RIMS1: variants seen among roughly 807,000 people sequenced by gnomAD.
The protein encoded by RIMS1 is regulating synaptic membrane exocytosis 1.
RIMS1 carries 83 observed loss-of-function variants against 214.1 expected under a neutral mutation model. The observed-to-expected ratio is 0.39, with a 90% confidence interval of 0.32 to 0.47. The LOEUF is 0.47. RIMS1 is among the 20% of genes least tolerant of loss of function. RIMS1 has a pLI of 0.99. For synonymous variants in RIMS1, 793 were observed against 786.8 expected (o/e 1.01, Z -0.13); for missense variants, 2,050 against 2,161.8 (o/e 0.95, Z 1.03).
intron 2 of RIMS1, among the ~76,000 whole-genome samples, chr6:72,008,761 C>A (rs1052707416): frequency 6.6e-6 from 1 of 152,182 alleles, no homozygotes; most frequent in Non-Finnish European, 1.5e-5. Flanking sequence ...ATCAATTCAA[C>A]AAGAAGAGCT....
chr6:72,137,189 A>G (rs1027037184), intron 4 of RIMS1, among the ~76,000 whole-genome samples: 61 of 152,180 alleles, frequency 4.0e-4, no homozygotes, highest in African/African-American at 1.2e-3. Flanking sequence ...TTGTTGTTTC[A>G]AGGGTTTTTA....
intron 6 of RIMS1, among the ~76,000 whole-genome samples, chr6:72,197,755 G>A (rs2051234283): frequency 6.6e-6 from 1 of 151,988 alleles, no homozygotes; most frequent in African/African-American, 2.4e-5. Context: ...AAGTAAAAGT[G>A]ATGAATTTTG....
At chr6:72,247,877 C>T (rs2070944121) in intron 11 of RIMS1, 138 bp from the exon 12 acceptor site, 1 of 622,830 alleles carries the variant, frequency 1.6e-6, no homozygotes, top group Non-Finnish European at 2.9e-6. Flanking sequence ...CAACTAAAGA[C>T]AATCTATCCC....
At chr6:71,943,596 TCAA>T (rs1786873195) in intron 1 of RIMS1, among the ~76,000 whole-genome samples, 1 of 152,162 alleles carries the variant, frequency 6.6e-6, no homozygotes. Flanking sequence ...TCTGTACACA[TCAA>T]AGGACCGGCT....
chr6:72,212,957 T>C, intron 6 of RIMS1: 1 of 1,406,960 alleles, frequency 7.1e-7, no homozygotes, highest in East Asian at 2.6e-5. Context: ...ACACCAATGT[T>C]TTATTTCAGT....
chr6:72,050,719 C>T (rs1824391617), intron 2 of RIMS1, among the ~76,000 whole-genome samples: 1 of 152,154 alleles, frequency 6.6e-6, no homozygotes, highest in Non-Finnish European at 1.5e-5. Context: ...TTCTCTGACT[C>T]ACACTGATGA....
At chr6:72,132,526 A>T (rs1214429307) in intron 4 of RIMS1, among the ~76,000 whole-genome samples, 2 of 152,208 alleles carry the variant, frequency 1.3e-5, no homozygotes, top group East Asian at 1.9e-4. Flanking sequence ...TGTGTATGTC[A>T]TATATCCATA....
intron 1 of RIMS1, among the ~76,000 whole-genome samples, chr6:71,959,120 G>A (rs537080418): frequency 3.5e-4 from 54 of 152,116 alleles, no homozygotes; most frequent in Non-Finnish European, 6.3e-4. Flanking sequence ...GAAAATGAAA[G>A]GTGTATATTT....
At chr6:72,228,987 C>T (rs996814994) in intron 6 of RIMS1, among the ~76,000 whole-genome samples, 7 of 151,866 alleles carry the variant, frequency 4.6e-5, no homozygotes, top group Admixed American at 2.6e-4. Flanking sequence ...AAAACAATAG[C>T]GCTAACAAAC....
chr6:72,282,025 G>A (rs1302547638), intron 23 of RIMS1, among the ~76,000 whole-genome samples: 1 of 151,692 alleles, frequency 6.6e-6, no homozygotes, highest in East Asian at 1.9e-4. Context: ...ACATGCACAA[G>A]TGTTTGTTGG....
At chr6:72,085,541 T>C (rs1230978531) in intron 2 of RIMS1, among the ~76,000 whole-genome samples, 1 of 152,142 alleles carries the variant, frequency 6.6e-6, no homozygotes, top group Non-Finnish European at 1.5e-5. Context: ...TAAAGTTTCA[T>C]TGGGATGATT....
rs1380187907 is a variant in RIMS1, at chr6:72,158,960, C to T, written c.472-20615C>T. On this transcript the variant is annotated intron_variant, in intron 4 of 33. Coordinates refer to ENST00000521978, the MANE Select transcript of RIMS1 (RefSeq NM_014989.7). The stretch of plus-strand genomic sequence containing the variant: ...AAATGGTATTTCTAGTTCTAGGTCC[C>T]TGAGGAATCGCCACACTGACTTCCA... Among the ~76,000 whole-genome samples, 3 of 140,006 alleles carry T rather than the reference C, an allele frequency of 2.1e-5. 1 individual carries two copies. The highest frequency in any genetic ancestry group is 4.9e-5 in the Non-Finnish European group (3 of 61,662). The allele number at this position is 140,006 out of a possible 152,430, so 91.8% of individuals were successfully genotyped here.
chr6:72,074,069 G>A (rs184961633), intron 2 of RIMS1, among the ~76,000 whole-genome samples: 39 of 152,108 alleles, frequency 2.6e-4, no homozygotes, highest in African/African-American at 8.0e-4. Context: ...ATAAACTGCC[G>A]AAAGAGTCCA....
chr6:72,297,900 G>C (rs1051140057), intron 26 of RIMS1, among the ~76,000 whole-genome samples: 4 of 152,028 alleles, frequency 2.6e-5, no homozygotes, highest in African/African-American at 9.7e-5. Flanking sequence ...TCCTACTTCT[G>C]TGAGCTGAAG....
intron 6 of RIMS1, among the ~76,000 whole-genome samples, chr6:72,221,324 T>TGTGTGTGA (rs1562705390): frequency 5.2e-4 from 73 of 140,370 alleles, no homozygotes; most frequent in African/African-American, 1.9e-3. Flanking sequence ...GTGTGTGTGA[T>TGTGTGTGA]TTTTTTTTTC....
intron 31 of RIMS1, among the ~76,000 whole-genome samples, chr6:72,393,369 G>A (rs548753688): frequency 1.5e-4 from 23 of 152,220 alleles, no homozygotes; most frequent in African/African-American, 5.3e-4. Flanking sequence ...CAATACTGAG[G>A]CTTGATAGAA....
intron 29 of RIMS1, among the ~76,000 whole-genome samples, chr6:72,365,623 GA>G (rs2097974800): frequency 6.6e-6 from 1 of 152,188 alleles, no homozygotes; most frequent in Admixed American, 6.5e-5. Context: ...TAATATGCTA[GA>G]ACAGGCATAA....
At chr6:71,938,712 C>T (rs1458681186) in intron 1 of RIMS1, among the ~76,000 whole-genome samples, 9 of 152,190 alleles carry the variant, frequency 5.9e-5, no homozygotes, top group Admixed American at 5.9e-4. Flanking sequence ...CTTCCTACAG[C>T]TCTGGACCTG....
At chr6:72,213,666 T>C (rs917645998) in intron 6 of RIMS1, among the ~76,000 whole-genome samples, 1 of 152,174 alleles carries the variant, frequency 6.6e-6, no homozygotes, top group Admixed American at 6.5e-5. Context: ...TAGTGGAATG[T>C]CAATGCAAAA....
Sources: allele counts gnomAD v4.1 joint callset (sites outside exome capture counted in the v4.1 genomes callset), GRCh38; gene constraint gnomAD v4.1.1; transcripts MANE v1.5; gene names NCBI Gene and HGNC (gene_info 2026-07-23, HGNC 2026-07-21).